The following DLG2 variants were observed in gnomAD, a reference collection of about 807,000 sequenced individuals.
DLG2 encodes the protein disks large homolog 2.
DLG2 carries 45 observed loss-of-function variants against 132.5 expected under a neutral mutation model. The observed-to-expected ratio is 0.34, with a 90% CI of 0.27 to 0.44. The LOEUF is 0.44. DLG2 is among the 20% of genes least tolerant of loss of function. DLG2 has a pLI of 1.00. For missense variants in DLG2, 1,045 were observed against 1,196.9 expected, an observed-to-expected ratio of 0.87 and a Z score of 1.87; for synonymous variants, 424 against 419.6, an observed-to-expected ratio of 1.01 and a Z score of -0.13.
At chr11:84,897,114 A>G (rs1169364588) in intron 6 of DLG2, among the ~76,000 whole-genome samples, 1 of 150,276 alleles carries the variant, frequency 6.7e-6, no homozygotes, top group Non-Finnish European at 1.5e-5. Context: ...TTTGTTAATC[A>G]TTCCTTTGCT....
chr11:85,425,978 C>T (rs988801769), intron 3 of DLG2, among the ~76,000 whole-genome samples: 3 of 152,242 alleles, frequency 2.0e-5, no homozygotes, highest in Non-Finnish European at 2.9e-5. Flanking sequence ...AAACAGCATA[C>T]CAGAAGATTA....
At chr11:85,179,501 A>T (rs943771506) in intron 4 of DLG2, among the ~76,000 whole-genome samples, 3 of 151,876 alleles carry the variant, frequency 2.0e-5, no homozygotes, top group African/African-American at 7.2e-5. Flanking sequence ...GAGAAAGATA[A>T]ATATAACTTT....
intron 6 of DLG2, among the ~76,000 whole-genome samples, chr11:85,071,871 T>C (rs914591213): frequency 1.3e-5 from 2 of 151,824 alleles, no homozygotes; most frequent in South Asian, 4.1e-4. Flanking sequence ...ATGGAAAACA[T>C]TTCTCTAAAA....
At chr11:85,128,117 G>GTTA (rs1026234794) in intron 5 of DLG2, among the ~76,000 whole-genome samples, 2 of 152,046 alleles carry the variant, frequency 1.3e-5, no homozygotes, top group Non-Finnish European at 2.9e-5. Flanking sequence ...ATTTTATTAT[G>GTTA]TACATTAACC....
At chr11:83,869,947 C>G (rs759577240) in intron 16 of DLG2, among the ~76,000 whole-genome samples, 1 of 152,274 alleles carries the variant, frequency 6.6e-6, no homozygotes. Flanking sequence ...TTCTGAGTAG[C>G]TGAAGATACT....
chr11:85,036,134 T>A (rs1217568588), intron 6 of DLG2, among the ~76,000 whole-genome samples: 1 of 152,228 alleles, frequency 6.6e-6, no homozygotes. Flanking sequence ...ATGTTATCCC[T>A]CTGCCTGGAA....
chr11:83,999,099 A>G (rs2094198862), intron 11 of DLG2, among the ~76,000 whole-genome samples: 1 of 152,120 alleles, frequency 6.6e-6, no homozygotes. Context: ...TACCAGTCAC[A>G]CCTGAGCATT....
chr11:84,138,049 C>G (rs928235731), intron 9 of DLG2, among the ~76,000 whole-genome samples: 1 of 152,138 alleles, frequency 6.6e-6, no homozygotes, highest in African/African-American at 2.4e-5. Context: ...AATAGAAACA[C>G]TGAAACCATA....
At chr11:85,459,749 G>T (rs563752274) in intron 3 of DLG2, among the ~76,000 whole-genome samples, 55 of 152,142 alleles carry the variant, frequency 3.6e-4, no homozygotes, top group Non-Finnish European at 4.4e-4. Flanking sequence ...TTCCAGAGGG[G>T]TTGTGGGCTG....
intron 26 of DLG2, among the ~76,000 whole-genome samples, chr11:83,466,095 A>G (rs2136232109): frequency 6.6e-6 from 1 of 152,338 alleles, no homozygotes; most frequent in African/African-American, 2.4e-5. Flanking sequence ...CTACTGGTTT[A>G]AGTTACAGAT....
chr11:85,068,267 T>A (rs1488388855), intron 6 of DLG2, among the ~76,000 whole-genome samples: 1 of 152,012 alleles, frequency 6.6e-6, no homozygotes, highest in East Asian at 1.9e-4. Context: ...CTCTCACCAC[T>A]CCTATTCAAC....
chr11:83,662,765 CT>C (rs1353497848), intron 18 of DLG2, among the ~76,000 whole-genome samples: 1 of 152,142 alleles, frequency 6.6e-6, no homozygotes, highest in Admixed American at 6.5e-5. Flanking sequence ...TGCTCAGAAC[CT>C]TTTGTCAGTA....
intron 6 of DLG2, among the ~76,000 whole-genome samples, chr11:85,014,036 G>A (rs1227701397): frequency 6.6e-6 from 1 of 152,122 alleles, no homozygotes; most frequent in Non-Finnish European, 1.5e-5. Context: ...CTCCTCAAAA[G>A]AGAGGACTCC....
intron 6 of DLG2, among the ~76,000 whole-genome samples, chr11:84,939,495 T>C (rs1252637512): frequency 6.6e-6 from 1 of 152,186 alleles, no homozygotes. Context: ...CTAGATCTTA[T>C]TCATTTTATC....
chr11:83,493,611 G>T (rs1456686528), intron 21 of DLG2, among the ~76,000 whole-genome samples: 2 of 151,854 alleles, frequency 1.3e-5, no homozygotes, highest in African/African-American at 4.8e-5. Context: ...CCACATTCTG[G>T]CCTTTATTGC....
chr11:84,649,010 G>A (rs190527712), intron 6 of DLG2, among the ~76,000 whole-genome samples: 38 of 152,200 alleles, frequency 2.5e-4, no homozygotes, highest in Non-Finnish European at 5.1e-4. Context: ...GCAACAAAAT[G>A]AATAAAATGT....
chr11:85,562,431 A>G lies in DLG2; in HGVS notation c.40+36226T>C, dbSNP rs944249705. Among the ~76,000 whole-genome samples the G allele has an allele frequency of 7.9e-5, 12 of 151,742 alleles. 1 individual carries two copies. Among genetic ancestry groups the G allele is most frequent in the Non-Finnish European group, 1.6e-4 (11 of 67,832 alleles). On this transcript the variant is annotated intron_variant, in intron 3 of 27. Transcript: ENST00000376104. ...AGCCAGAAAATTTGCTACACTCTTC[A>G]TGTATATATTTTATTTCATTTATCC...
chr11:83,531,294 A>G (rs2095737929), intron 21 of DLG2, among the ~76,000 whole-genome samples: 1 of 152,026 alleles, frequency 6.6e-6, no homozygotes, highest in African/African-American at 2.4e-5. Context: ...CTATATAAAG[A>G]ACTTCTGCAA....
At chr11:84,755,378 T>A (rs1055291347) in intron 6 of DLG2, among the ~76,000 whole-genome samples, 26 of 152,170 alleles carry the variant, frequency 1.7e-4, no homozygotes, top group Admixed American at 1.7e-3. Flanking sequence ...GGGCCTGTGG[T>A]TCTGGACACT....
Sources: allele counts gnomAD v4.1 joint callset (sites outside exome capture counted in the v4.1 genomes callset), GRCh38; gene constraint gnomAD v4.1.1; transcripts MANE v1.5; gene names NCBI Gene and HGNC (gene_info 2026-07-23, HGNC 2026-07-21).